Variants in CA4 observed in about 807,000 individuals in gnomAD.
CA4 encodes the protein CA-IV.
A neutral mutation model predicts 34.5 loss-of-function variants in CA4; 24 were observed. The observed-to-expected ratio is 0.70, with a 90% CI of 0.50 to 0.98. CA4 has a LOEUF of 0.98. CA4 is among the 50% of genes least tolerant of loss of function. CA4 has a pLI of 0.00. For missense variants in CA4, 394 were observed against 396.7 expected (o/e 0.99, Z 0.06); for synonymous variants, 178 against 170.6 (o/e 1.04, Z -0.34).
In CA4 at chr17:60,159,249, A is replaced by G. The variant is rs1160739025; in HGVS notation, c.764A>G (p.Lys255Arg). ...HREQILAFSQ[K>R]LYYDKEQTVS... is the part of the protein sequence containing the mutation. ...CCGCAGATCCTGGCATTCTCTCAGA[A>G]GCTGTACTACGACAAGGAACAGACA... Residue 255 changes from lysine (K) to arginine (R), a missense_variant, in exon 8 of 8, where the codon AAG becomes AGG. Physicochemically the swap from Lys to Arg is conservative, Grantham distance 26. Transcript: ENST00000300900. 2 of 1,605,504 alleles carry G rather than the reference A, an allele frequency of 1.2e-6. No individual in the cohort carries two copies. The highest frequency in any genetic ancestry group is 2.7e-5 in the African/African-American group (2 of 74,644).
intron 3 of CA4, 68 bp from the exon 4 acceptor site, chr17:60,157,359 C>A: frequency 6.4e-7 from 1 of 1,561,594 alleles, no homozygotes; most frequent in Non-Finnish European, 8.8e-7. Flanking sequence ...CTGGGTGAAG[C>A]TGGGATGAAG....
At chr17:60,165,435 G>A (rs1406263502) in intron 5 of CA4, among the ~76,000 whole-genome samples, 2 of 152,304 alleles carry the variant, frequency 1.3e-5, no homozygotes, top group Admixed American at 1.3e-4. Context: ...CAGTTCTTAT[G>A]TCCTGCCTTA....
the CA4 span, among the ~76,000 whole-genome samples, chr17:60,176,042 T>C: frequency 6.6e-6 from 1 of 152,074 alleles, no homozygotes; most frequent in Non-Finnish European, 1.5e-5. Context: ...TCTTGAACTC[T>C]CAACCTTAGG....
At chr17:60,175,037 G>A (rs1029919028), downstream of CA4, among the ~76,000 whole-genome samples, 2 of 151,972 alleles carry the variant, frequency 1.3e-5, no homozygotes, top group African/African-American at 2.4e-5. Context: ...CAGTCCTTCC[G>A]AGGCTTTTTG....
chr17:60,168,508 G>T, intron 5 of CA4, among the ~76,000 whole-genome samples: 1 of 114,246 alleles, frequency 8.8e-6, no homozygotes, highest in Admixed American at 8.5e-5. Flanking sequence ...TTTTGGGGGG[G>T]CAGGTGGGGA....
At chr17:60,168,744 G>C (rs888626326) in intron 5 of CA4, among the ~76,000 whole-genome samples, 7 of 152,110 alleles carry the variant, frequency 4.6e-5, no homozygotes, top group Admixed American at 2.0e-4. Context: ...AAGATCGGGT[G>C]GTCCCTCTCA....
chr17:60,167,462 C>G (rs2083867173), intron 5 of CA4, among the ~76,000 whole-genome samples: 2 of 152,224 alleles, frequency 1.3e-5, no homozygotes, highest in African/African-American at 4.8e-5. Flanking sequence ...TCTTAGTCAT[C>G]AGAGCATCGA....
Position 60,159,496 on chromosome 17 carries a change from C to A in CA4, c.*72C>A. 1 of 1,501,404 alleles carries A rather than the reference C, an allele frequency of 6.7e-7. No individual in the cohort carries two copies. The highest frequency in any genetic ancestry group is 9.1e-7 in the Non-Finnish European group (1 of 1,094,948). 93.0% of individuals were successfully genotyped at this position (1,501,404 alleles called of 1,614,324 possible). On this transcript the variant is annotated 3_prime_UTR_variant, in exon 8 of 8. Transcript: ENST00000300900. Reference sequence around the variant, plus strand: ...TTCCAGGCTTCCGGTCCTTAGCCTTCCCAGGTGGGACTTTAGGCATGATTA... The same window carrying A: ...TTCCAGGCTTCCGGTCCTTAGCCTTACCAGGTGGGACTTTAGGCATGATTA...
chr17:60,152,214 T>C (rs1256227978), intron 1 of CA4, among the ~76,000 whole-genome samples: 10 of 151,742 alleles, frequency 6.6e-5, no homozygotes, highest in Non-Finnish European at 1.0e-4. Context: ...CCAAGCCCTC[T>C]TGGGAGTGGC....
At chr17:60,164,862 C>T (rs1402258566) in intron 5 of CA4, among the ~76,000 whole-genome samples, 1 of 152,094 alleles carries the variant, frequency 6.6e-6, no homozygotes, top group Non-Finnish European at 1.5e-5. Context: ...AATGCAGAAA[C>T]ATCCGGGCAT....
chr17:60,175,128 T>G (rs554180890), downstream of CA4, among the ~76,000 whole-genome samples: 1 of 146,080 alleles, frequency 6.8e-6, no homozygotes, highest in East Asian at 2.0e-4. Flanking sequence ...CGAGCGATCC[T>G]CCCACCTCAG....
At chr17:60,170,190 T>C (rs925551596) in intron 5 of CA4, among the ~76,000 whole-genome samples, 6 of 152,184 alleles carry the variant, frequency 3.9e-5, no homozygotes, top group African/African-American at 1.4e-4. Context: ...ACTCAATTGT[T>C]CTCTCCTTTC....
chr17:60,162,130 A>G (rs2083797687), downstream of CA4, among the ~76,000 whole-genome samples: 1 of 151,870 alleles, frequency 6.6e-6, no homozygotes, highest in Admixed American at 6.6e-5. Context: ...GCCACCTCCC[A>G]TGTCCTGCCT....
chr17:60,167,081 G>A (rs2083863453), intron 5 of CA4, among the ~76,000 whole-genome samples: 1 of 152,204 alleles, frequency 6.6e-6, no homozygotes, highest in Non-Finnish European at 1.5e-5. Flanking sequence ...AAAATTGAGA[G>A]GTAAAGGAAC....
At chr17:60,163,967 C>T (rs187427357), downstream of CA4, among the ~76,000 whole-genome samples, 2 of 151,720 alleles carry the variant, frequency 1.3e-5, no homozygotes, top group South Asian at 4.2e-4. Context: ...CCTGTCTCTA[C>T]GAGGGGGAAA....
At chr17:60,171,034 G>A (rs536880486), downstream of CA4, 2 of 152,320 alleles carry the variant, frequency 1.3e-5, no homozygotes, top group African/African-American at 4.8e-5. Flanking sequence ...TAGAAAAAAG[G>A]GTGATCATGC....
At chr17:60,178,223 C>A in the CA4 span, among the ~76,000 whole-genome samples, 78 of 152,102 alleles carry the variant, frequency 5.1e-4, no homozygotes, top group Non-Finnish European at 9.8e-4. Context: ...AATTTATAGC[C>A]CTTAGAGCCA....
chr17:60,163,833 C>G (rs1026317898), downstream of CA4, among the ~76,000 whole-genome samples: 1 of 152,146 alleles, frequency 6.6e-6, no homozygotes, highest in Non-Finnish European at 1.5e-5. Context: ...AATCTTCCAT[C>G]AAGATTTAGT....
exon 6 of CA4, chr17:60,170,702 C>T (rs1161434940): frequency 6.6e-6 from 1 of 152,274 alleles, no homozygotes; most frequent in Non-Finnish European, 1.5e-5. Flanking sequence ...CCTTACGTAA[C>T]AACACACTGC....
Sources: allele counts gnomAD v4.1 joint callset (sites outside exome capture counted in the v4.1 genomes callset), GRCh38; gene constraint gnomAD v4.1.1; transcripts MANE v1.5; gene names NCBI Gene and HGNC (gene_info 2026-07-23, HGNC 2026-07-21).